Variants in NRG3 observed in about 807,000 individuals in gnomAD.
NRG3 encodes neuregulin 3.
NRG3 carries 31 observed loss-of-function variants against 66.9 expected under a neutral mutation model. That is an observed-to-expected ratio of 0.46 (90% CI 0.35 to 0.63). The LOEUF (loss-of-function observed/expected upper bound fraction) is 0.63, where lower values mean the gene tolerates loss of function less well. NRG3 is among the 20% of genes least tolerant of loss of function. The pLI is 0.00. For synonymous variants in NRG3, 393 were observed against 359.4 expected (o/e 1.09, Z -1.06); for missense variants, 910 against 878.9 (o/e 1.04, Z -0.45).
intron 3 of NRG3, among the ~76,000 whole-genome samples, chr10:82,771,583 A>G (rs1591473387): frequency 6.6e-6 from 1 of 152,172 alleles, no homozygotes; most frequent in African/African-American, 2.4e-5. Flanking sequence ...TGGTTGCCGC[A>G]GAGGGAAAAA....
At chr10:82,984,676 AG>A in intron 8 of NRG3, 1 of 1,140,180 alleles carries the variant, frequency 8.8e-7, no homozygotes. Flanking sequence ...CAGGGCTGAG[AG>A]GGTGGTCGAG....
At chr10:82,295,597 A>G (rs1292420800) in intron 1 of NRG3, among the ~76,000 whole-genome samples, 1 of 152,178 alleles carries the variant, frequency 6.6e-6, no homozygotes, top group Non-Finnish European at 1.5e-5. Flanking sequence ...GACACTCCAA[A>G]AATATCTTAT....
At chr10:82,328,281 ATG>A (rs2081971805) in intron 1 of NRG3, among the ~76,000 whole-genome samples, 1 of 152,178 alleles carries the variant, frequency 6.6e-6, no homozygotes, top group African/African-American at 2.4e-5. Flanking sequence ...GATATTTGTT[ATG>A]TGTGTGTCTT....
chr10:81,913,450 G>A (rs1458737290), intron 1 of NRG3, among the ~76,000 whole-genome samples: 1 of 151,172 alleles, frequency 6.6e-6, no homozygotes, highest in African/African-American at 2.4e-5. Flanking sequence ...TTGAGACAGA[G>A]TCTCACTCTG....
intron 1 of NRG3, among the ~76,000 whole-genome samples, chr10:82,162,707 C>T (rs752318960): frequency 3.5e-4 from 53 of 152,206 alleles, no homozygotes; most frequent in East Asian, 7.7e-4. Flanking sequence ...AAGACAGCAA[C>T]GGAGATATGT....
intron 2 of NRG3, among the ~76,000 whole-genome samples, chr10:82,389,929 C>T (rs150347894): frequency 2.6e-3 from 390 of 152,236 alleles, no homozygotes; most frequent in African/African-American, 8.9e-3. Context: ...CCTATTAGAG[C>T]GGCTACTTGG....
At chr10:82,601,142 G>A (rs1301254224) in intron 2 of NRG3, among the ~76,000 whole-genome samples, 3 of 152,168 alleles carry the variant, frequency 2.0e-5, no homozygotes, top group Non-Finnish European at 2.9e-5. Context: ...TTTTATGGCT[G>A]TGTAGTGTTC....
chr10:82,425,023 G>A (rs1270017607), intron 2 of NRG3, among the ~76,000 whole-genome samples: 1 of 151,972 alleles, frequency 6.6e-6, no homozygotes, highest in African/African-American at 2.4e-5. Context: ...AATTCCATAG[G>A]TCTTGATTGC....
At chr10:82,623,254 G>C (rs777852411) in intron 2 of NRG3, among the ~76,000 whole-genome samples, 27 of 152,140 alleles carry the variant, frequency 1.8e-4, no homozygotes, top group Non-Finnish European at 3.2e-4. Flanking sequence ...TTCTGAAGCT[G>C]AGGTGGTAAC....
chr10:82,970,644 A>T (rs778703058), intron 6 of NRG3, among the ~76,000 whole-genome samples: 1 of 152,164 alleles, frequency 6.6e-6, no homozygotes, highest in Admixed American at 6.5e-5. Context: ...AGAATAGCCT[A>T]TGTTTCCCCA....
intron 3 of NRG3, among the ~76,000 whole-genome samples, chr10:82,754,911 A>G (rs1280487557): frequency 2.0e-5 from 3 of 152,164 alleles, no homozygotes; most frequent in Non-Finnish European, 4.4e-5. Flanking sequence ...GTGTATAGCC[A>G]TAGACTACTA....
chr10:82,854,933 A>G lies in NRG3; in HGVS notation c.1028-10478A>G, dbSNP rs553522385. Reference sequence around the variant, plus strand: ...CAGTATTTGGCTGCTCTAGATGAATATCTTGGGCAGTTGGTCCAGGACTTA... The same window carrying G: ...CAGTATTTGGCTGCTCTAGATGAATGTCTTGGGCAGTTGGTCCAGGACTTA... On this transcript the variant is annotated intron_variant, in intron 3 of 8. Transcript: ENST00000372141. 4.9e-4 allele frequency among the ~76,000 whole-genome samples: 75 copies of G among 152,274 alleles called. 1 individual carries two copies. The South Asian group carries it at 0.01, about 21-fold the overall frequency.
intron 1 of NRG3, among the ~76,000 whole-genome samples, chr10:82,253,851 C>T (rs906067497): frequency 1.3e-5 from 2 of 152,196 alleles, no homozygotes; most frequent in African/African-American, 4.8e-5. Context: ...CAATAATCCA[C>T]CCCTTTACAT....
chr10:82,677,024 A>ATCTTTCTT (rs59546291), intron 2 of NRG3, among the ~76,000 whole-genome samples: 1 of 149,668 alleles, frequency 6.7e-6, no homozygotes, highest in Non-Finnish European at 1.5e-5. Flanking sequence ...CTTCAAAATT[A>ATCTTTCTT]TCTTTCTTTC....
chr10:81,936,687 C>G (rs1448719643), intron 1 of NRG3, among the ~76,000 whole-genome samples: 6 of 152,050 alleles, frequency 3.9e-5, no homozygotes, highest in Non-Finnish European at 7.4e-5. Flanking sequence ...GAAGCTCTTT[C>G]TAACTCACCA....
In NRG3 at chr10:82,729,905, T is replaced by C. The variant is rs2057803728; in HGVS notation, c.954-8672T>C. 2.0e-5 allele frequency among the ~76,000 whole-genome samples: 3 copies of C among 152,154 alleles called. No homozygotes were observed. The South Asian group carries it at 6.2e-4, about 31-fold the overall frequency. On this transcript the variant is annotated intron_variant, in intron 2 of 8. Coordinates refer to ENST00000372141, the MANE Select transcript of NRG3 (RefSeq NM_001010848.4). ...CTCATCAAACTTGAACTTGTTCTTT[T>C]TCTTTTCCTTTTTTGTGGCTCAAAT...
chr10:82,047,129 G>T (rs11192296), intron 1 of NRG3, among the ~76,000 whole-genome samples: 37,781 of 151,042 alleles, frequency 0.25, 4,840 homozygotes, highest in Middle Eastern at 0.33. Context: ...GATTGGAATA[G>T]TTTCAGAAGG....
At chr10:81,947,567 A>G (rs777550493) in intron 1 of NRG3, among the ~76,000 whole-genome samples, 1 of 151,966 alleles carries the variant, frequency 6.6e-6, no homozygotes. Context: ...TACAATTTGT[A>G]TAACCTTTGT....
rs192996939 is a variant in NRG3 at position 82,174,990 on chromosome 10, T to A, written c.824-183749T>A. Among the ~76,000 whole-genome samples the A allele has an allele frequency of 6.1e-3, 925 of 152,260 alleles. 6 individuals are homozygous for A. The highest frequency in any genetic ancestry group is 0.032 in the South Asian group (152 of 4,818). The stretch of plus-strand genomic sequence containing the variant: ...TAAATTGATTTTTCCCTCTCTTTTT[T>A]AAAAAAATTATGGTTAATTGTCCTA... On this transcript the variant is annotated intron_variant, in intron 1 of 8. Transcript: ENST00000372141.
Sources: gnomAD v4.1 joint callset for allele counts (sites outside exome capture counted in the v4.1 genomes callset) on GRCh38, gnomAD v4.1.1 for gene constraint, MANE v1.5 for transcripts, NCBI Gene and HGNC (gene_info 2026-07-23, HGNC 2026-07-21) for gene names.